Variants in CSMD1 observed in about 807,000 individuals in gnomAD.
CSMD1 encodes CUB and sushi domain-containing protein 1.
In CSMD1, 213 loss-of-function variants were observed where a neutral mutation model predicts 417.5. That is an observed-to-expected ratio of 0.51 (90% CI 0.46 to 0.57). The LOEUF (loss-of-function observed/expected upper bound fraction) is 0.57, where lower values mean the gene tolerates loss of function less well. CSMD1 is among the 20% of genes least tolerant of loss of function. The probability of loss-of-function intolerance (pLI) is 0.00; values close to 1 mark genes in which losing one functional copy is unlikely to be tolerated. For missense variants in CSMD1, 6,923 were observed against 4,529.7 expected (o/e 1.53, Z -15.17); for synonymous variants, 2,862 against 1,736.8 (o/e 1.65, Z -16.11).
At chr8:4,301,616 A>T (rs1797986066) in intron 3 of CSMD1, among the ~76,000 whole-genome samples, 1 of 152,236 alleles carries the variant, frequency 6.6e-6, no homozygotes. Flanking sequence ...TGAACCAGTC[A>T]TCATGTCTGT....
chr8:4,427,188 G>T (rs1028622032), intron 2 of CSMD1, among the ~76,000 whole-genome samples: 3 of 152,148 alleles, frequency 2.0e-5, no homozygotes, highest in African/African-American at 7.2e-5. Context: ...AGATGGGTGT[G>T]CAGGGACCAT....
chr8:4,782,950 C>CA (rs11378248), intron 1 of CSMD1, among the ~76,000 whole-genome samples: 7,919 of 127,726 alleles, frequency 0.062, 345 homozygotes, highest in African/African-American at 0.14. Flanking sequence ...TAAAGACACT[C>CA]AAAAAAAAAA....
At chr8:4,734,770 C>G (rs1810121578) in intron 1 of CSMD1, among the ~76,000 whole-genome samples, 1 of 152,144 alleles carries the variant, frequency 6.6e-6, no homozygotes, top group Admixed American at 6.5e-5. Context: ...ATGTTCTGCT[C>G]ATGCCATCTT....
chr8:4,174,314 T>A (rs1387914647), intron 3 of CSMD1, among the ~76,000 whole-genome samples: 2 of 152,142 alleles, frequency 1.3e-5, no homozygotes, highest in African/African-American at 4.8e-5. Flanking sequence ...ATCCACTACA[T>A]GACCTAGGTA....
intron 1 of CSMD1, among the ~76,000 whole-genome samples, chr8:4,934,003 T>A (rs549584356): frequency 1.8e-3 from 144 of 78,880 alleles, no homozygotes; most frequent in African/African-American, 4.5e-3. Flanking sequence ...TTATGCTTTT[T>A]TTTTAAAAAA....
intron 23 of CSMD1, among the ~76,000 whole-genome samples, chr8:3,332,653 T>C (rs866696474): frequency 1.1e-4 from 17 of 152,344 alleles, no homozygotes; most frequent in African/African-American, 3.6e-4. Flanking sequence ...CTTTATGTCT[T>C]CAAGTGTGTG....
chr8:4,561,850 C>A (rs959690408), intron 2 of CSMD1, among the ~76,000 whole-genome samples: 1 of 152,150 alleles, frequency 6.6e-6, no homozygotes, highest in Non-Finnish European at 1.5e-5. Flanking sequence ...CCCAGAGAAA[C>A]ACAGTGACTT....
intron 3 of CSMD1, among the ~76,000 whole-genome samples, chr8:4,043,582 G>C (rs1269306379): frequency 2.0e-5 from 3 of 152,304 alleles, no homozygotes; most frequent in East Asian, 3.9e-4. Context: ...GCCGCCTTGA[G>C]GGGGAAATCA....
chr8:4,918,271 C>T (rs1362263028), intron 1 of CSMD1, among the ~76,000 whole-genome samples: 1 of 152,158 alleles, frequency 6.6e-6, no homozygotes, highest in Non-Finnish European at 1.5e-5. Flanking sequence ...TGTGAGCTTT[C>T]TGGGACAGAC....
At chr8:4,467,798 G>T (rs1800272790) in intron 2 of CSMD1, among the ~76,000 whole-genome samples, 1 of 152,142 alleles carries the variant, frequency 6.6e-6, no homozygotes, top group Non-Finnish European at 1.5e-5. Context: ...CTTATATGGG[G>T]AAAGAACTAG....
intron 10 of CSMD1, among the ~76,000 whole-genome samples, chr8:3,499,912 A>G (rs1796525353): frequency 6.6e-6 from 1 of 152,060 alleles, no homozygotes; most frequent in East Asian, 1.9e-4. Flanking sequence ...ACAAGAGAGG[A>G]ACCCGGTGTG....
chr8:4,115,193 A>G (rs1802068824), intron 3 of CSMD1, among the ~76,000 whole-genome samples: 1 of 152,264 alleles, frequency 6.6e-6, no homozygotes, highest in African/African-American at 2.4e-5. Context: ...GCCTTCAGCA[A>G]CTACCATCTT....
At chr8:3,702,008 T>G (rs190561194) in intron 7 of CSMD1, 7 of 152,180 alleles carry the variant, frequency 4.6e-5, no homozygotes, top group Admixed American at 4.6e-4. Context: ...AAGAAAACAT[T>G]GATTGCCCAA....
chr8:3,785,513 A>G (rs1309181519), intron 5 of CSMD1, among the ~76,000 whole-genome samples: 1 of 152,222 alleles, frequency 6.6e-6, no homozygotes, highest in Non-Finnish European at 1.5e-5. Flanking sequence ...ACGGCAGTCA[A>G]ACACCTAGGT....
chr8:3,772,581 ATATATT>A (rs1177804235), intron 5 of CSMD1, among the ~76,000 whole-genome samples: 19 of 133,632 alleles, frequency 1.4e-4, no homozygotes, highest in Non-Finnish European at 2.8e-4. Context: ...ATATATACAC[ATATATT>A]TATATACATA....
intron 41 of CSMD1, among the ~76,000 whole-genome samples, chr8:3,141,700 A>C (rs1818492575): frequency 6.6e-6 from 1 of 152,156 alleles, no homozygotes; most frequent in South Asian, 2.1e-4. Context: ...ACTCGGGAAC[A>C]GCAGACAGCA....
At position 4,226,140 on chromosome 8, in the gene CSMD1, G is replaced by C. The variant is rs541284720; in HGVS notation, c.415+193813C>G. On this transcript the variant is annotated intron_variant, in intron 3 of 69. Transcript: ENST00000635120. Reference sequence around the variant, plus strand: ...CACATACACACTTGCTAGCATGAGAGTTTCATTTTTCTGTTACTTGGCATC... The same window carrying C: ...CACATACACACTTGCTAGCATGAGACTTTCATTTTTCTGTTACTTGGCATC... Among the ~76,000 whole-genome samples, 20 of 151,620 alleles carry C rather than the reference G, an allele frequency of 1.3e-4. No individual in the cohort carries two copies. In the East Asian group the frequency reaches 2.9e-3, roughly 22 times the overall value.
At chr8:4,328,680 T>C (rs937324601) in intron 3 of CSMD1, among the ~76,000 whole-genome samples, 1 of 152,206 alleles carries the variant, frequency 6.6e-6, no homozygotes, top group East Asian at 1.9e-4. Context: ...TGTCTACATA[T>C]TCAACCTACT....
At chr8:4,699,602 C>A (rs1221304063) in intron 1 of CSMD1, among the ~76,000 whole-genome samples, 1 of 152,110 alleles carries the variant, frequency 6.6e-6, no homozygotes, top group African/African-American at 2.4e-5. Context: ...AACATCAGAG[C>A]TCTTGGCATT....
Sources: gnomAD v4.1 joint callset for allele counts (sites outside exome capture counted in the v4.1 genomes callset) on GRCh38, gnomAD v4.1.1 for gene constraint, MANE v1.5 for transcripts, NCBI Gene and HGNC (gene_info 2026-07-23, HGNC 2026-07-21) for gene names.